HIPK2: variants seen among roughly 807,000 people sequenced by gnomAD.
HIPK2 encodes homeodomain-interacting protein kinase 2.
HIPK2 carries 27 observed loss-of-function variants against 113.7 expected under a neutral mutation model. The observed-to-expected ratio is 0.24, with a 90% CI of 0.17 to 0.33. The LOEUF (loss-of-function observed/expected upper bound fraction) is 0.33, where lower values mean the gene tolerates loss of function less well. Among genes scored for constraint, HIPK2 ranks in the 10% least tolerant of loss-of-function variants. HIPK2 has a pLI of 1.00. For missense variants in HIPK2, 1,257 were observed against 1,588.0 expected (o/e 0.79, Z 3.54); for synonymous variants, 631 against 642.2 (o/e 0.98, Z 0.26).
chr7:139,644,342 C>T (rs1358847654), intron 2 of HIPK2, among the ~76,000 whole-genome samples: 3 of 152,232 alleles, frequency 2.0e-5, no homozygotes, highest in Non-Finnish European at 4.4e-5. Context: ...CGCTGTCCCT[C>T]CTCCTCAAAG....
In HIPK2 at chr7:139,573,402, G is replaced by A; in HGVS notation, c.3127-5C>T. Reference sequence around the variant, plus strand: ...CGTGGTGATGTGCTGCTGAGCCTGGGGAGGAGAGGCACCAAGAGAGACGTC... The same window carrying A: ...CGTGGTGATGTGCTGCTGAGCCTGGAGAGGAGAGGCACCAAGAGAGACGTC... On this transcript the variant is annotated splice_region_variant and splice_polypyrimidine_tract_variant and intron_variant, in intron 14 of 14. Coordinates refer to ENST00000406875, the MANE Select transcript of HIPK2 (RefSeq NM_022740.5). 1.2e-6 allele frequency: 2 copies of A among 1,601,718 alleles called. No homozygotes were observed. The highest frequency in any genetic ancestry group is 1.7e-6 in the Non-Finnish European group (2 of 1,179,700).
chr7:139,702,160 G>A (rs1794727735), intron 2 of HIPK2, among the ~76,000 whole-genome samples: 2 of 152,172 alleles, frequency 1.3e-5, no homozygotes, highest in Admixed American at 1.3e-4. Flanking sequence ...AGCGGCGGGA[G>A]AGGCTGGGCA....
intron 2 of HIPK2, among the ~76,000 whole-genome samples, chr7:139,657,934 G>T (rs1431912264): frequency 6.6e-6 from 1 of 152,136 alleles, no homozygotes; most frequent in Non-Finnish European, 1.5e-5. Flanking sequence ...GTCTGCACAG[G>T]GATCAGGAGA....
chr7:139,613,281 C>G lies in HIPK2; in HGVS notation c.2033G>C (p.Arg678Pro). ...GACGATGGGAACTGCATTTTCCATTCGCACCGAGTAGCCAGCGTGCTTAGA... is the reference window on the plus strand; with the variant it reads ...GACGATGGGAACTGCATTTTCCATTGGCACCGAGTAGCCAGCGTGCTTAGA... ...SPSKHAGYSV[R>P]MENAVPIVTQ... The change falls in exon 9 of 15, where the codon CGA (arginine) becomes CCA (proline). Residue 678 changes from arginine (R) to proline (P), a missense_variant. Around this residue, in one of 5 missense-constraint regions of HIPK2, gnomAD observed 862 missense variants for 1,004.3 expected, o/e 0.86. Transcript: ENST00000406875. This position sits in a 1 kb window ranked among gnomAD's most constrained non-coding sequence, Gnocchi z 4.2. 1 of 1,613,582 alleles carries G rather than the reference C, an allele frequency of 6.2e-7. No homozygotes were observed.
At position 139,683,404 on chromosome 7, in the gene HIPK2, G is replaced by A. The variant is rs1569473639; in HGVS notation, c.1103+32528C>T. On this transcript the variant is annotated intron_variant, in intron 2 of 14. Transcript: ENST00000406875. This position sits in a 1 kb window ranked among gnomAD's most constrained non-coding sequence, Gnocchi z 4.2. ...GAGGCTGCGATCAAGATGTTTCCAA[G>A]CTCCCCAAGGCAGCTGCGGTCTGTG... is the stretch of plus-strand genomic sequence containing the variant. 6.6e-6 allele frequency among the ~76,000 whole-genome samples: 1 copy of A among 152,194 alleles called. No homozygotes were observed. Among genetic ancestry groups the A allele is most frequent in the Admixed American group, 6.5e-5 (1 of 15,276 alleles).
intron 2 of HIPK2, among the ~76,000 whole-genome samples, chr7:139,669,403 C>T (rs1802180121): frequency 6.6e-6 from 1 of 152,032 alleles, no homozygotes; most frequent in African/African-American, 2.4e-5. Context: ...AGTAATAAGC[C>T]CGTTTTTTCT....
intron 1 of HIPK2, among the ~76,000 whole-genome samples, chr7:139,732,812 T>TAC (rs1476430346): frequency 7.6e-6 from 1 of 131,776 alleles, no homozygotes; most frequent in Non-Finnish European, 1.5e-5. Context: ...TAACATATTA[T>TAC]ATATATATGT....
At chr7:139,707,633 G>A (rs1034105669) in intron 2 of HIPK2, among the ~76,000 whole-genome samples, 10 of 152,342 alleles carry the variant, frequency 6.6e-5, no homozygotes, top group Admixed American at 2.6e-4. Context: ...CTCTTCCATC[G>A]CAGACTGGGG....
Position 139,575,282 on chromosome 7 carries a change from G to T in HIPK2, c.2972C>A (p.Thr991Asn). 1 of 1,568,688 alleles carries T rather than the reference G, an allele frequency of 6.4e-7. No homozygotes were observed. The highest frequency in any genetic ancestry group is 1.4e-5 in the African/African-American group (1 of 74,070). Reference protein sequence around the residue: ...VECDSLVPVNTSHHSSSYKSK... With the variant: ...VECDSLVPVNNSHHSSSYKSK... ...CTTGTAGGAGGACGAGTGGTGACTGGTGTTGACTGTGGCGGGAGGAGAAAG... is the reference window on the plus strand; with the variant it reads ...CTTGTAGGAGGACGAGTGGTGACTGTTGTTGACTGTGGCGGGAGGAGAAAG... The change falls in exon 14 of 15, where the codon ACC (threonine) becomes AAC (asparagine). Residue 991 changes from threonine (T) to asparagine (N), a missense_variant. Thr to Asn is a moderately conservative substitution (Grantham distance 65). Coordinates refer to ENST00000406875, the MANE Select transcript of HIPK2 (RefSeq NM_022740.5).
At chr7:139,643,847 C>T (rs1801116113) in intron 2 of HIPK2, among the ~76,000 whole-genome samples, 1 of 152,226 alleles carries the variant, frequency 6.6e-6, no homozygotes, top group Admixed American at 6.5e-5. Context: ...TCCTGAGATC[C>T]TTATACTCCT....
chr7:139,743,385 T>C lies in HIPK2; in HGVS notation c.20-26370A>G, dbSNP rs547102394. 8.2e-4 allele frequency among the ~76,000 whole-genome samples: 125 copies of C among 152,322 alleles called. 1 individual carries two copies. The highest frequency in any genetic ancestry group is 2.8e-3 in the African/African-American group (116 of 41,570). The stretch of plus-strand genomic sequence containing the variant: ...CTTTAAAACAGACACATGATTTTCC[T>C]TGGGACATTTTTATATACAACTTAC... On this transcript the variant is annotated intron_variant, in intron 1 of 14. Coordinates refer to ENST00000406875, the MANE Select transcript of HIPK2 (RefSeq NM_022740.5).
intron 10 of HIPK2, among the ~76,000 whole-genome samples, chr7:139,603,049 G>C (rs1056269413): frequency 1.3e-5 from 2 of 152,216 alleles, no homozygotes; most frequent in African/African-American, 4.8e-5. Context: ...GAAGGGCCCA[G>C]GTACTCTGTA....
Position 139,583,944 on chromosome 7 carries a change from A to G in HIPK2, c.2838T>C (p.Asn946=). ...YSVQQRAGHN[N]ANAFDTKGSL... ...TCCCCTTGGTGTCAAAGGCATTGGC[A>G]TTGTTGTGCCCAGCACGCTGCTGCA... Residue 946 remains asparagine (N), a synonymous_variant, in exon 13 of 15, where the codon AAT becomes AAC. Coordinates refer to ENST00000406875, the MANE Select transcript of HIPK2 (RefSeq NM_022740.5). 1 of 1,614,018 alleles carries G rather than the reference A, an allele frequency of 6.2e-7. No individual in the cohort carries two copies. Among genetic ancestry groups the G allele is most frequent in the Non-Finnish European group, 8.5e-7 (1 of 1,179,892 alleles).
In HIPK2 at chr7:139,716,041, G is replaced by C. The variant is rs1795224203; in HGVS notation, c.994C>G (p.Leu332Val). ...TATGGTTGTCTAGATGGATCCACCA[G>C]CATGATGTTTTCTGGTTTGAGGTCA... ...HADLKPENIMLVDPSRQPYRV... is the reference protein window; with the variant it reads ...HADLKPENIMVVDPSRQPYRV... The change falls in exon 2 of 15, where the codon CTG becomes GTG. Residue 332 changes from leucine (L) to valine (V), a missense_variant. Physicochemically the swap from Leu to Val is conservative, Grantham distance 32. Around this residue, in one of 5 missense-constraint regions of HIPK2, gnomAD observed 84 missense variants for 182.2 expected, o/e 0.46. Transcript: ENST00000406875. This position sits in a 1 kb window ranked among gnomAD's most constrained non-coding sequence, Gnocchi z 9.3. The C allele has an allele frequency of 6.2e-7, 1 of 1,614,012 alleles. No homozygotes were observed. The highest frequency in any genetic ancestry group is 1.7e-5 in the Admixed American group (1 of 60,008).
intron 1 of HIPK2, among the ~76,000 whole-genome samples, chr7:139,738,430 G>A (rs901737582): frequency 3.3e-5 from 5 of 152,254 alleles, no homozygotes; most frequent in Non-Finnish European, 7.3e-5. Context: ...TGTGGCTGGT[G>A]TGACTGAGGA....
chr7:139,725,658 C>T (rs1348212592), intron 1 of HIPK2, among the ~76,000 whole-genome samples: 1 of 152,196 alleles, frequency 6.6e-6, no homozygotes, highest in Non-Finnish European at 1.5e-5. Flanking sequence ...TCTCCTTTCG[C>T]CTTCTCTCTC....
intron 1 of HIPK2, among the ~76,000 whole-genome samples, chr7:139,736,194 G>A (rs932478479): frequency 1.3e-5 from 2 of 152,252 alleles, no homozygotes; most frequent in East Asian, 3.9e-4. Flanking sequence ...TGCAGGGAAG[G>A]TGCAGACAAC....
At chr7:139,633,771 C>A (rs750712651) in intron 2 of HIPK2, among the ~76,000 whole-genome samples, 1 of 151,876 alleles carries the variant, frequency 6.6e-6, no homozygotes, top group African/African-American at 2.4e-5. Flanking sequence ...ATGGTGAAAC[C>A]CTGTCTCTAC....
intron 1 of HIPK2, among the ~76,000 whole-genome samples, chr7:139,738,347 T>C (rs1383234417): frequency 6.6e-6 from 1 of 152,246 alleles, no homozygotes; most frequent in African/African-American, 2.4e-5. Flanking sequence ...AGGAGCTCTG[T>C]GTGCTGCTGA....
Sources: gnomAD v4.1 joint callset for allele counts (sites outside exome capture counted in the v4.1 genomes callset) on GRCh38, gnomAD v4.1.1 for gene constraint, gnomAD v4.1.1 regional missense constraint, Gnocchi (gnomAD v3.1) non-coding constraint, MANE v1.5 for transcripts, NCBI Gene and HGNC (gene_info 2026-07-23, HGNC 2026-07-21) for gene names.